The following SLC7A14 variants were observed in gnomAD, a reference collection of about 807,000 sequenced individuals.
SLC7A14 encodes the protein solute carrier family 7 member 14.
Under a neutral mutation model 60.2 loss-of-function variants are expected in SLC7A14, and 37 were observed. That is an observed-to-expected ratio of 0.61 (90% CI 0.47 to 0.81). The LOEUF is 0.81. SLC7A14 is among the 30% of genes least tolerant of loss of function. The probability of loss-of-function intolerance (pLI) is 0.00; values close to 1 mark genes in which losing one functional copy is unlikely to be tolerated. For missense variants in SLC7A14, 886 were observed against 982.7 expected (o/e 0.90, Z 1.32); for synonymous variants, 399 against 395.8 (o/e 1.01, Z -0.10).
At chr3:170,480,220 G>T in intron 7 of SLC7A14, 69 bp downstream of exon 7, 1 of 1,468,716 alleles carries the variant, frequency 6.8e-7, no homozygotes, top group Non-Finnish European at 9.0e-7. Context: ...CAGCTAGGAG[G>T]TAATTTTGGG....
intron 6 of SLC7A14, 117 bp from the exon 7 acceptor site, chr3:170,481,283 T>C: frequency 9.2e-7 from 1 of 1,090,340 alleles, no homozygotes; most frequent in Non-Finnish European, 1.3e-6. Context: ...CTCCTGGTCC[T>C]GCTCCACCAA....
intron 7 of SLC7A14, among the ~76,000 whole-genome samples, chr3:170,475,190 G>A (rs981834184): frequency 1.3e-5 from 2 of 152,176 alleles, no homozygotes; most frequent in East Asian, 1.9e-4. Context: ...CTTGTGCCTC[G>A]TTTTACTCTC....
chr3:170,500,980 TG>T (rs1712587487), intron 3 of SLC7A14, 128 bp downstream of exon 3: 1 of 792,458 alleles, frequency 1.3e-6, no homozygotes, highest in Non-Finnish European at 2.1e-6. Flanking sequence ...AGAATTACTT[TG>T]CAAAAGAAAA....
At chr3:170,472,098 G>A (rs1325903723) in intron 7 of SLC7A14, among the ~76,000 whole-genome samples, 1 of 152,092 alleles carries the variant, frequency 6.6e-6, no homozygotes, top group Admixed American at 6.5e-5. Flanking sequence ...GCTGGGCACG[G>A]TGGCTCATGC....
At position 170,570,934 on chromosome 3, in the gene SLC7A14, A is replaced by C. The variant is rs184790215; in HGVS notation, c.-153+14977T>G. ...TGAGGTCTGGGCTTTTAGTGCACCC[A>C]TCACCCAAATAGTGTGCATTGTACC... On this transcript the variant is annotated intron_variant, in intron 1 of 7. Coordinates refer to ENST00000231706, the MANE Select transcript of SLC7A14 (RefSeq NM_020949.3). Among the ~76,000 whole-genome samples, 35 of 152,050 alleles carry C rather than the reference A, an allele frequency of 2.3e-4. No individual in the cohort carries two copies. The East Asian group carries it at 6.6e-3, about 29-fold the overall frequency.
chr3:170,565,608 C>G (rs1013631975), intron 1 of SLC7A14, among the ~76,000 whole-genome samples: 1 of 152,122 alleles, frequency 6.6e-6, no homozygotes, highest in Non-Finnish European at 1.5e-5. Context: ...AACCCTGCAG[C>G]TTGGTGAAGA....
intron 2 of SLC7A14, among the ~76,000 whole-genome samples, chr3:170,510,125 C>T (rs1712925083): frequency 6.7e-6 from 1 of 148,976 alleles, no homozygotes; most frequent in South Asian, 2.1e-4. Context: ...TGTGGTGACT[C>T]ACGCCTGTAA....
chr3:170,498,625 A>T (rs1332185703), intron 4 of SLC7A14, 42 bp downstream of exon 4: 1 of 1,590,284 alleles, frequency 6.3e-7, no homozygotes, highest in Non-Finnish European at 8.6e-7. Flanking sequence ...GGTAGAAGGC[A>T]GAGTGTGTGA....
chr3:170,502,049 A>G (rs932337186), intron 2 of SLC7A14, among the ~76,000 whole-genome samples: 1 of 152,234 alleles, frequency 6.6e-6, no homozygotes, highest in Non-Finnish European at 1.5e-5. Context: ...ATGTATAACA[A>G]TGAGAGGAGA....
At chr3:170,574,960 G>A (rs936445295) in intron 1 of SLC7A14, among the ~76,000 whole-genome samples, 10 of 152,072 alleles carry the variant, frequency 6.6e-5, no homozygotes, top group African/African-American at 2.4e-4. Flanking sequence ...TAGCTTAGGT[G>A]ATTTCTATTA....
intron 2 of SLC7A14, among the ~76,000 whole-genome samples, chr3:170,525,734 T>C (rs181748370): frequency 7.6e-4 from 115 of 151,750 alleles, no homozygotes; most frequent in African/African-American, 2.6e-3. Context: ...AGCTGGGAGG[T>C]GTATGAGAAC....
At chr3:170,542,768 A>G (rs562890199) in intron 1 of SLC7A14, among the ~76,000 whole-genome samples, 2 of 152,316 alleles carry the variant, frequency 1.3e-5, no homozygotes, top group East Asian at 3.9e-4. Context: ...CTTTAGTATA[A>G]GAAGATTTCA....
At chr3:170,499,256 A>AAAAAAG (rs1325667254) in intron 3 of SLC7A14, among the ~76,000 whole-genome samples, 1 of 130,714 alleles carries the variant, frequency 7.7e-6, no homozygotes, top group Non-Finnish European at 1.6e-5. Context: ...AAAAAAAAAA[A>AAAAAAG]AAAAAAAAAA....
chr3:170,477,335 A>C (rs1401780977), intron 7 of SLC7A14, among the ~76,000 whole-genome samples: 1 of 152,234 alleles, frequency 6.6e-6, no homozygotes, highest in Non-Finnish European at 1.5e-5. Flanking sequence ...CTCCAATTCC[A>C]GTTAGTTATA....
intron 1 of SLC7A14, among the ~76,000 whole-genome samples, chr3:170,569,350 A>G (rs901976286): frequency 6.6e-6 from 1 of 152,210 alleles, no homozygotes; most frequent in Non-Finnish European, 1.5e-5. Context: ...CTTGCATCCC[A>G]GGGATGAAGC....
intron 1 of SLC7A14, among the ~76,000 whole-genome samples, chr3:170,541,003 T>C (rs1714001559): frequency 6.6e-6 from 1 of 152,248 alleles, no homozygotes; most frequent in Non-Finnish European, 1.5e-5. Flanking sequence ...TTTCACTTAT[T>C]GACATGGCAA....
chr3:170,562,832 C>A (rs1256750171), intron 1 of SLC7A14, among the ~76,000 whole-genome samples: 4 of 152,064 alleles, frequency 2.6e-5, no homozygotes, highest in African/African-American at 9.7e-5. Flanking sequence ...TCTCAACTCA[C>A]TGTGACCTCT....
chr3:170,558,219 T>C (rs1021904493), intron 1 of SLC7A14, among the ~76,000 whole-genome samples: 6 of 151,960 alleles, frequency 3.9e-5, no homozygotes, highest in Admixed American at 6.6e-5. Flanking sequence ...AATACAAAAA[T>C]TAGCCAGGTG....
chr3:170,579,988 G>A (rs528786481), intron 1 of SLC7A14, among the ~76,000 whole-genome samples: 210 of 152,254 alleles, frequency 1.4e-3, no homozygotes, highest in African/African-American at 4.9e-3. Flanking sequence ...TTTATGCCCC[G>A]AGAAGGGCTA....
Sources: allele counts gnomAD v4.1 joint callset (sites outside exome capture counted in the v4.1 genomes callset), GRCh38; gene constraint gnomAD v4.1.1; transcripts MANE v1.5; gene names NCBI Gene and HGNC (gene_info 2026-07-23, HGNC 2026-07-21).